The following THSD7A variants were observed in gnomAD, a reference collection of about 807,000 sequenced individuals.
THSD7A encodes thrombospondin type-1 domain-containing protein 7A.
Under a neutral mutation model 231.3 loss-of-function variants are expected in THSD7A, and 96 were observed. The ratio of observed to expected loss-of-function variants is 0.41; its 90% CI spans 0.35 to 0.49. The LOEUF (loss-of-function observed/expected upper bound fraction) is 0.49. Among genes scored for constraint, THSD7A ranks in the 20% least tolerant of loss-of-function variants. The probability of loss-of-function intolerance (pLI) is 0.05; values close to 1 mark genes in which losing one functional copy is unlikely to be tolerated. For missense variants in THSD7A, 2,290 were observed against 2,070.2 expected (o/e 1.11, Z -2.06); for synonymous variants, 940 against 743.3 (o/e 1.26, Z -4.30).
chr7:11,703,056 C>T (rs765742483), intron 1 of THSD7A, among the ~76,000 whole-genome samples: 3 of 151,148 alleles, frequency 2.0e-5, no homozygotes, highest in African/African-American at 4.8e-5. Flanking sequence ...CTAAGTGGCT[C>T]TTCTTTGAGA....
At chr7:11,465,629 G>A (rs1785671827) in intron 9 of THSD7A, among the ~76,000 whole-genome samples, 3 of 151,908 alleles carry the variant, frequency 2.0e-5, no homozygotes. Context: ...ACAGTAATAG[G>A]AAATTGAAAG....
At chr7:11,631,117 C>A (rs1345018659) in intron 2 of THSD7A, among the ~76,000 whole-genome samples, 2 of 152,202 alleles carry the variant, frequency 1.3e-5, no homozygotes, top group Non-Finnish European at 2.9e-5. Context: ...TTGCCCTTCC[C>A]CCCACCAGAT....
At chr7:11,781,206 T>C (rs920047049) in intron 1 of THSD7A, among the ~76,000 whole-genome samples, 1 of 151,320 alleles carries the variant, frequency 6.6e-6, no homozygotes, top group Non-Finnish European at 1.5e-5. Context: ...TTTGGAAGGC[T>C]GGGTGGGATT....
At chr7:11,568,654 A>T (rs57078709) in intron 4 of THSD7A, among the ~76,000 whole-genome samples, 1 of 107,342 alleles carries the variant, frequency 9.3e-6, no homozygotes, top group Non-Finnish European at 1.9e-5. Context: ...AAAAAAAAAA[A>T]CCAAAATCTG....
At chr7:11,441,167 G>C (rs1398036284) in intron 13 of THSD7A, among the ~76,000 whole-genome samples, 2 of 152,012 alleles carry the variant, frequency 1.3e-5, no homozygotes, top group Non-Finnish European at 2.9e-5. Context: ...GGATACATCA[G>C]TGAATAAAAT....
intron 9 of THSD7A, among the ~76,000 whole-genome samples, chr7:11,466,053 CTT>C (rs969506785): frequency 4.6e-5 from 7 of 152,106 alleles, no homozygotes; most frequent in Non-Finnish European, 8.8e-5. Context: ...TCAAACAACT[CTT>C]TTAGTTCTTC....
chr7:11,793,287 C>T (rs1784016134), intron 1 of THSD7A, among the ~76,000 whole-genome samples: 1 of 151,930 alleles, frequency 6.6e-6, no homozygotes, highest in African/African-American at 2.4e-5. Flanking sequence ...GCCGAATCTT[C>T]AGCCACAGAA....
chr7:11,683,922 C>A (rs1397427894), intron 1 of THSD7A, among the ~76,000 whole-genome samples: 1 of 151,650 alleles, frequency 6.6e-6, no homozygotes, highest in Non-Finnish European at 1.5e-5. Context: ...ACAATAACAA[C>A]AACAACAACA....
In THSD7A at chr7:11,710,591, C is replaced by T. The variant is rs1430306845; in HGVS notation, c.191-73630G>A. On this transcript the variant is annotated intron_variant, in intron 1 of 27. Coordinates refer to ENST00000423059, the MANE Select transcript of THSD7A (RefSeq NM_015204.3). ...GCTGGATTCTTGCATGCAGAATTAA[C>T]AAGCACTTCTTGAGTTCTAATGCAG... Among the ~76,000 whole-genome samples the T allele has an allele frequency of 2.7e-5, 4 of 150,890 alleles. No homozygotes were observed. In the East Asian group the frequency reaches 7.8e-4, roughly 30 times the overall value.
chr7:11,586,390 A>G (rs1380959935), intron 4 of THSD7A, among the ~76,000 whole-genome samples: 1 of 152,186 alleles, frequency 6.6e-6, no homozygotes, highest in Non-Finnish European at 1.5e-5. Flanking sequence ...CCTTTCCTAA[A>G]CGACTTAAGG....
chr7:11,436,925 T>C lies in THSD7A; in HGVS notation c.3065-7800A>G, dbSNP rs930006047. Among the ~76,000 whole-genome samples, 10 of 152,122 alleles carry C rather than the reference T, an allele frequency of 6.6e-5. 1 individual carries two copies. The highest frequency in any genetic ancestry group is 1.2e-4 in the Non-Finnish European group (8 of 67,992). On this transcript the variant is annotated intron_variant, in intron 13 of 27. Transcript: ENST00000423059. ...AAAGATCAAAGGAGAGTCAATTTTGTTTTATATCCAGATGACCTAAAATTT... is the reference window on the plus strand; with the variant it reads ...AAAGATCAAAGGAGAGTCAATTTTGCTTTATATCCAGATGACCTAAAATTT...
chr7:11,711,193 C>T (rs1780950191), intron 1 of THSD7A, among the ~76,000 whole-genome samples: 2 of 150,826 alleles, frequency 1.3e-5, no homozygotes, highest in Non-Finnish European at 3.0e-5. Flanking sequence ...AACACACAGG[C>T]AAGGAACTGA....
At chr7:11,570,767 AGG>A (rs1790590684) in intron 4 of THSD7A, among the ~76,000 whole-genome samples, 1 of 152,232 alleles carries the variant, frequency 6.6e-6, no homozygotes, top group Non-Finnish European at 1.5e-5. Flanking sequence ...CTACCCAGCC[AGG>A]AGAGACTGTA....
intron 1 of THSD7A, among the ~76,000 whole-genome samples, chr7:11,766,749 G>A (rs775147957): frequency 2.6e-5 from 4 of 152,162 alleles, no homozygotes; most frequent in Non-Finnish European, 4.4e-5. Flanking sequence ...TGAGAACAGA[G>A]GCAGGCAGAG....
At chr7:11,766,322 C>T (rs1474320337) in intron 1 of THSD7A, among the ~76,000 whole-genome samples, 1 of 152,134 alleles carries the variant, frequency 6.6e-6, no homozygotes, top group African/African-American at 2.4e-5. Context: ...ATTAAATTGT[C>T]ATCAGATCTG....
intron 16 of THSD7A, among the ~76,000 whole-genome samples, chr7:11,420,865 A>G (rs1784121180): frequency 6.6e-6 from 1 of 152,168 alleles, no homozygotes; most frequent in South Asian, 2.1e-4. Flanking sequence ...CACAGAGTCA[A>G]AGGAGATTAT....
intron 4 of THSD7A, among the ~76,000 whole-genome samples, chr7:11,577,514 G>A (rs1454503426): frequency 1.3e-5 from 2 of 151,586 alleles, no homozygotes; most frequent in African/African-American, 2.4e-5. Context: ...ATGGATTTTC[G>A]CCATGTTGAC....
chr7:11,807,069 G>C (rs1234225688), intron 1 of THSD7A, among the ~76,000 whole-genome samples: 2 of 151,810 alleles, frequency 1.3e-5, no homozygotes, highest in African/African-American at 4.8e-5. Flanking sequence ...TTGACATTAT[G>C]ACATGGACCC....
intron 3 of THSD7A, among the ~76,000 whole-genome samples, chr7:11,591,986 T>G (rs970334838): frequency 6.6e-6 from 1 of 152,208 alleles, no homozygotes; most frequent in Non-Finnish European, 1.5e-5. Flanking sequence ...CAAGGATATA[T>G]GTTTATTTTG....
Sources: allele counts gnomAD v4.1 joint callset (sites outside exome capture counted in the v4.1 genomes callset), GRCh38; gene constraint gnomAD v4.1.1; transcripts MANE v1.5; gene names NCBI Gene and HGNC (gene_info 2026-07-23, HGNC 2026-07-21).